OAS2: variants seen among roughly 807,000 people sequenced by gnomAD.
OAS2 encodes 2'-5'-oligoadenylate synthetase 2, also known as 2'-5'-oligoadenylate synthase 2.
In OAS2, 67 loss-of-function variants were observed where a neutral mutation model predicts 71.3. The ratio of observed to expected loss-of-function variants is 0.94; its 90% CI spans 0.77 to 1.15. The LOEUF (loss-of-function observed/expected upper bound fraction) is 1.15. Ranked by LOEUF, OAS2 falls within the 50% of genes most tolerant of loss-of-function variation. The pLI is 0.00. For missense variants in OAS2, 789 were observed against 822.5 expected (o/e 0.96, Z 0.50); for synonymous variants, 327 against 321.8 (o/e 1.02, Z -0.17).
intron 3 of OAS2, 41 bp downstream of exon 3, chr12:112,995,515 C>CT: frequency 6.4e-7 from 1 of 1,551,664 alleles, no homozygotes; most frequent in South Asian, 1.2e-5. Flanking sequence ...CATTCATTTC[C>CT]TTTTTATCGA....
chr12:113,005,012 AG>A lies in OAS2; in HGVS notation c.1259del (p.Ser420ThrfsTer20), dbSNP rs781029785. ...DLVVFHNSLKSYTSQKNERHK... is the reference protein window; with the variant it reads ...DLVVFHNSLKXYTSQKNERHK... Reference sequence around the variant, plus strand: ...CGTCGTGTTCCATAACTCACTTAAAAGCTACACCTCCCAAAAAAACGAGCGG... The same window carrying A: ...CGTCGTGTTCCATAACTCACTTAAAACTACACCTCCCAAAAAAACGAGCGG... On this transcript the variant is annotated frameshift_variant, in exon 7 of 10. Coordinates refer to ENST00000392583, the MANE Select transcript of OAS2 (RefSeq NM_002535.3). LOFTEE classifies it high-confidence loss of function. The A allele has an allele frequency of 5.0e-6, 8 of 1,614,100 alleles. No homozygotes were observed. The highest frequency in any genetic ancestry group is 6.8e-6 in the Non-Finnish European group (8 of 1,180,036).
chr12:112,982,216 T>C (rs1459089512), intron 1 of OAS2, among the ~76,000 whole-genome samples: 1 of 152,202 alleles, frequency 6.6e-6, no homozygotes. Context: ...GGATGCCTTT[T>C]ATTTCTTTAT....
intron 7 of OAS2, 135 bp from the exon 8 acceptor site, chr12:113,006,278 G>C (rs147763727): frequency 1.5e-6 from 1 of 671,414 alleles, no homozygotes; most frequent in Non-Finnish European, 2.3e-6. Context: ...CTGTGTCTTA[G>C]ACATCAGTCT....
intron 5 of OAS2, among the ~76,000 whole-genome samples, chr12:113,002,667 G>T (rs942060282): frequency 6.6e-6 from 1 of 152,178 alleles, no homozygotes; most frequent in Non-Finnish European, 1.5e-5. Flanking sequence ...GATCTGTCTG[G>T]ACAAGGATCC....
chr12:112,991,976 A>C (rs896330093), intron 2 of OAS2, among the ~76,000 whole-genome samples: 6 of 152,200 alleles, frequency 3.9e-5, no homozygotes, highest in African/African-American at 1.4e-4. Context: ...GGATGGAAAA[A>C]TGAATGTAGA....
chr12:112,994,579 G>T (rs1331991200), intron 2 of OAS2, among the ~76,000 whole-genome samples: 1 of 151,960 alleles, frequency 6.6e-6, no homozygotes, highest in African/African-American at 2.4e-5. Flanking sequence ...CTGCCACCAC[G>T]CCCAGCTAAT....
At chr12:112,988,129 A>T (rs1270496862) in intron 2 of OAS2, 1 of 985,278 alleles carries the variant, frequency 1.0e-6, no homozygotes. Context: ...TCTCCCACTA[A>T]GCCTACAAAA....
At chr12:112,998,095 C>T in intron 4 of OAS2, 171 bp from the exon 5 acceptor site, 2 of 673,370 alleles carry the variant, frequency 3.0e-6, no homozygotes, top group Non-Finnish European at 4.9e-6. Flanking sequence ...AGCAGCAAAC[C>T]CAGGGCCAGA....
At chr12:112,993,085 G>C (rs145574206) in intron 2 of OAS2, among the ~76,000 whole-genome samples, 90 of 151,538 alleles carry the variant, frequency 5.9e-4, no homozygotes, top group African/African-American at 2.1e-3. Context: ...GGAAACACAG[G>C]GTCACTTTCT....
intron 2 of OAS2, chr12:112,988,684 C>T (rs148267407): frequency 2.0e-6 from 2 of 985,420 alleles, no homozygotes; most frequent in South Asian, 4.7e-5. Context: ...TTAATGACAG[C>T]TCCTTAGAAT....
intron 5 of OAS2, 85 bp from the exon 6 acceptor site, chr12:113,002,847 T>G (rs974199071): frequency 4.5e-4 from 560 of 1,233,142 alleles, no homozygotes; most frequent in East Asian, 1.0e-3. Flanking sequence ...AGAGGCAGGG[T>G]AGGGGGCCCA....
chr12:113,005,353 C>A, intron 7 of OAS2, 131 bp downstream of exon 7: 1 of 843,324 alleles, frequency 1.2e-6, no homozygotes, highest in Non-Finnish European at 1.8e-6. Flanking sequence ...TGGCATTAGT[C>A]ATGGCAGTAA....
In OAS2 at chr12:113,009,426, C is replaced by T. The variant is rs1308743450; in HGVS notation, c.*171C>T. 5 of 1,447,560 alleles carry T rather than the reference C, an allele frequency of 3.5e-6. No individual in the cohort carries two copies. The highest frequency in any genetic ancestry group is 4.5e-6 in the Non-Finnish European group (5 of 1,104,172). The allele number at this position is 1,447,560 out of a possible 1,614,324, so 89.7% of individuals were successfully genotyped here. A position where few individuals can be genotyped will look rare whatever the true frequency, so the allele number is the denominator to read the frequency against. On this transcript the variant is annotated 3_prime_UTR_variant, in exon 10 of 10. Transcript: ENST00000392583. ...CTACAAGTGATCCTCAGGCAGGTAA[C>T]CCCAGATTCATGCACTGTAGGGTGC...
chr12:112,995,830 G>A (rs183556250), intron 3 of OAS2, among the ~76,000 whole-genome samples: 14 of 152,288 alleles, frequency 9.2e-5, no homozygotes, highest in Non-Finnish European at 1.6e-4. Flanking sequence ...TGGTTGCAGG[G>A]TCTTGCTCTG....
intron 5 of OAS2, among the ~76,000 whole-genome samples, chr12:112,998,746 C>T (rs1459881236): frequency 1.3e-5 from 2 of 152,220 alleles, no homozygotes; most frequent in Non-Finnish European, 2.9e-5. Flanking sequence ...CTTCTCCCTA[C>T]ATGTCTTCAC....
At chr12:112,994,978 C>A (rs929581776) in intron 2 of OAS2, among the ~76,000 whole-genome samples, 2 of 152,176 alleles carry the variant, frequency 1.3e-5, no homozygotes, top group Non-Finnish European at 2.9e-5. Context: ...TTTAAAGAAC[C>A]CACTTGCTCC....
At chr12:112,983,328 T>C (rs1406251384) in intron 1 of OAS2, among the ~76,000 whole-genome samples, 2 of 152,080 alleles carry the variant, frequency 1.3e-5, no homozygotes, top group Non-Finnish European at 2.9e-5. Flanking sequence ...TGGGTTCAAG[T>C]GATTCTCCTG....
At position 112,978,993 on chromosome 12, in the gene OAS2, C is replaced by T. The variant is rs1340464984; in HGVS notation, c.177+208C>T. On this transcript the variant is annotated intron_variant, in intron 1 of 9. Coordinates refer to ENST00000392583, the MANE Select transcript of OAS2 (RefSeq NM_002535.3). The surrounding 1 kb of genome is among the most constrained non-coding windows in gnomAD (Gnocchi z 4.2). ...ACTTAACCTCTCTGTGCCTCAGTCT[C>T]TGACTCTGTAAAATGGGGAGAGGCA... is the stretch of plus-strand genomic sequence containing the variant. 6.6e-6 allele frequency among the ~76,000 whole-genome samples: 1 copy of T among 152,166 alleles called. No individual in the cohort carries two copies. Among genetic ancestry groups the T allele is most frequent in the African/African-American group, 2.4e-5 (1 of 41,422 alleles).
At position 112,995,379 on chromosome 12, in the gene OAS2, G is replaced by T. The variant is rs1279670830; in HGVS notation, c.532G>T (p.Ala178Ser). ...DKTNASPGEF[A>S]VCFTELQQKF... The stretch of plus-strand genomic sequence containing the variant: ...GACAAATGCCAGTCCTGGTGAGTTT[G>T]CAGTCTGCTTCACTGAACTCCAGCA... Residue 178 changes from alanine to serine, a missense_variant, in exon 3 of 10, where the codon GCA becomes TCA. By Grantham distance (99) the Ala-to-Ser change is moderately conservative. Transcript: ENST00000392583. 4 of 1,614,012 alleles carry T rather than the reference G, an allele frequency of 2.5e-6. No homozygotes were observed. Among genetic ancestry groups the T allele is most frequent in the Non-Finnish European group, 3.4e-6 (4 of 1,180,004 alleles).
Sources: gnomAD v4.1 joint callset for allele counts (sites outside exome capture counted in the v4.1 genomes callset) on GRCh38, gnomAD v4.1.1 for gene constraint, Gnocchi (gnomAD v3.1) non-coding constraint, MANE v1.5 for transcripts, NCBI Gene and HGNC (gene_info 2026-07-23, HGNC 2026-07-21) for gene names.